MGAT4C: variants seen among roughly 807,000 people sequenced by gnomAD.
MGAT4C encodes alpha-1,3-mannosyl-glycoprotein 4-beta-N-acetylglucosaminyltransferase C.
In MGAT4C, 19 loss-of-function variants were observed where a neutral mutation model predicts 40.1. The ratio of observed to expected loss-of-function variants is 0.47; its 90% CI spans 0.33 to 0.70. MGAT4C has a LOEUF of 0.70. Among genes scored for constraint, MGAT4C ranks in the 30% least tolerant of loss-of-function variants. MGAT4C has a pLI of 0.02. For synonymous variants in MGAT4C, 181 were observed against 187.1 expected, an observed-to-expected ratio of 0.97 and a Z score of 0.27; for missense variants, 491 against 563.2, an observed-to-expected ratio of 0.87 and a Z score of 1.30.
intron 1 of MGAT4C, among the ~76,000 whole-genome samples, chr12:86,773,351 A>T (rs1384448681): frequency 1.3e-5 from 2 of 152,068 alleles, no homozygotes; most frequent in Admixed American, 1.3e-4. Context: ...CCAGGGAAAA[A>T]GCCTCCCCTT....
intron 2 of MGAT4C, among the ~76,000 whole-genome samples, chr12:86,708,078 G>T (rs1950494165): frequency 6.6e-6 from 1 of 152,150 alleles, no homozygotes; most frequent in Non-Finnish European, 1.5e-5. Context: ...CATCTCAGAG[G>T]TCTTCACAGA....
rs144718534 is a variant in MGAT4C at position 86,158,418 on chromosome 12, A to T, written c.-57+97821T>A. 5.2e-3 allele frequency among the ~76,000 whole-genome samples: 798 copies of T among 152,318 alleles called. 7 individuals carry two copies. Among genetic ancestry groups the T allele is most frequent in the African/African-American group, 0.018 (760 of 41,590 alleles). Reference sequence around the variant, plus strand: ...CAAGGTTGGAATTTGGCTGCTCTAAACTAGGCATAAAATATTGAAATATAA... The same window carrying T: ...CAAGGTTGGAATTTGGCTGCTCTAATCTAGGCATAAAATATTGAAATATAA... On this transcript the variant is annotated intron_variant, in intron 1 of 4. Transcript: ENST00000611864.
intron 2 of MGAT4C, among the ~76,000 whole-genome samples, chr12:86,038,639 G>A (rs1392299706): frequency 1.3e-5 from 2 of 149,402 alleles, no homozygotes; most frequent in Non-Finnish European, 3.0e-5. Context: ...CTTTGCATGT[G>A]AGATAGGTCT....
At chr12:86,425,026 G>A (rs1050053796) in intron 3 of MGAT4C, among the ~76,000 whole-genome samples, 6 of 152,144 alleles carry the variant, frequency 3.9e-5, no homozygotes, top group African/African-American at 1.4e-4. Flanking sequence ...GAACTGCTGT[G>A]ATAACAGCCG....
At chr12:86,647,390 G>A (rs921224428) in intron 2 of MGAT4C, among the ~76,000 whole-genome samples, 1 of 151,748 alleles carries the variant, frequency 6.6e-6, no homozygotes. Context: ...AAAATATTTT[G>A]CTTCACCTAA....
At chr12:86,128,954 T>C (rs1476039253) in intron 1 of MGAT4C, among the ~76,000 whole-genome samples, 1 of 152,126 alleles carries the variant, frequency 6.6e-6, no homozygotes, top group Admixed American at 6.5e-5. Context: ...GGCTTTTTGT[T>C]TGCTTTGTCG....
At position 85,956,511 on chromosome 12, in the gene MGAT4C, T is replaced by G. The variant is rs1490992061; in HGVS notation, c.*22778A>C. ...AATTGAAAAACTTACTAAAATATGG[T>G]TTTGGGACACCTGTTGGGAACATTT... On this transcript the variant is annotated 3_prime_UTR_variant, in exon 5 of 5. Coordinates refer to ENST00000611864, the MANE Select transcript of MGAT4C (RefSeq NM_001351288.2). The G allele has an allele frequency of 6.6e-6, 1 of 152,208 alleles. No homozygotes were observed. The highest frequency in any genetic ancestry group is 6.5e-5 in the Admixed American group (1 of 15,288). The allele number at this position is 152,208 out of a possible 1,614,324, so 9.4% of individuals were successfully genotyped here.
At chr12:86,757,530 A>G (rs1213906989) in intron 1 of MGAT4C, among the ~76,000 whole-genome samples, 1 of 152,098 alleles carries the variant, frequency 6.6e-6, no homozygotes, top group Admixed American at 6.6e-5. Context: ...CACTTCATCC[A>G]TTTCTCCCTG....
intron 3 of MGAT4C, among the ~76,000 whole-genome samples, chr12:86,411,852 G>C (rs1956612834): frequency 6.6e-6 from 1 of 152,058 alleles, no homozygotes; most frequent in Non-Finnish European, 1.5e-5. Flanking sequence ...GGTTTTTCAG[G>C]CCAGACTCAG....
At chr12:86,162,252 C>T (rs1012866491) in intron 1 of MGAT4C, among the ~76,000 whole-genome samples, 1 of 152,136 alleles carries the variant, frequency 6.6e-6, no homozygotes, top group African/African-American at 2.4e-5. Flanking sequence ...CCCAGGTACC[C>T]ATCAATAATA....
intron 1 of MGAT4C, among the ~76,000 whole-genome samples, chr12:86,782,171 A>ATTTTTTTTTT (rs57791582): frequency 9.9e-5 from 4 of 40,276 alleles, no homozygotes; most frequent in Non-Finnish European, 1.8e-4. Context: ...TGTTTTTTGT[A>ATTTTTTTTTT]TTTTTTTTTT....
rs1252110145 is a variant in MGAT4C at position 86,097,350 on chromosome 12, C to G, written c.-56-47627G>C. Reference sequence around the variant, plus strand: ...TTGGCTTGAATTGATCACTTGTTTGCCAGAAAGGCACCACATTGACTTTAG... The same window carrying G: ...TTGGCTTGAATTGATCACTTGTTTGGCAGAAAGGCACCACATTGACTTTAG... On this transcript the variant is annotated intron_variant, in intron 1 of 4. Coordinates refer to ENST00000611864, the MANE Select transcript of MGAT4C (RefSeq NM_001351288.2). Among the ~76,000 whole-genome samples, 4 of 151,574 alleles carry G rather than the reference C, an allele frequency of 2.6e-5. No individual in the cohort carries two copies. In the East Asian group the frequency reaches 7.7e-4, roughly 29 times the overall value.
In MGAT4C at chr12:86,367,280, C is replaced by T. The variant is rs145202087; in HGVS notation, c.-119-33153G>A. Among the ~76,000 whole-genome samples, 63 of 152,158 alleles carry T rather than the reference C, an allele frequency of 4.1e-4. 1 individual carries two copies. Among genetic ancestry groups the T allele is most frequent in the African/African-American group, 1.4e-3 (57 of 41,528 alleles). ...TCTTGGGTAACTGCCAAACTTCACC[C>T]TCATAAAATGGGCCCCAGAAAACAG... On this transcript the variant is annotated intron_variant, in intron 3 of 7. Transcript: ENST00000548651.
At chr12:86,807,993 T>A (rs946381284) in intron 1 of MGAT4C, among the ~76,000 whole-genome samples, 1 of 152,116 alleles carries the variant, frequency 6.6e-6, no homozygotes, top group African/African-American at 2.4e-5. Flanking sequence ...ATAAATTTGT[T>A]TAACTTCCTT....
chr12:86,276,643 A>G (rs1334066890), intron 4 of MGAT4C, among the ~76,000 whole-genome samples: 1 of 152,082 alleles, frequency 6.6e-6, no homozygotes, highest in Non-Finnish European at 1.5e-5. Context: ...TAGTTCAATC[A>G]TTTTAATTTT....
At chr12:86,063,422 A>G (rs1055645539) in intron 1 of MGAT4C, among the ~76,000 whole-genome samples, 1 of 152,146 alleles carries the variant, frequency 6.6e-6, no homozygotes, top group African/African-American at 2.4e-5. Flanking sequence ...GCAAAAACAT[A>G]CCAAATTGTA....
intron 1 of MGAT4C, among the ~76,000 whole-genome samples, chr12:86,804,293 C>G (rs929994359): frequency 1.4e-5 from 2 of 138,856 alleles, no homozygotes; most frequent in Admixed American, 7.2e-5. Context: ...GGAGGGATAG[C>G]ATTGGGAGAT....
intron 1 of MGAT4C, among the ~76,000 whole-genome samples, chr12:86,803,187 G>T (rs1011540793): frequency 6.6e-6 from 1 of 150,380 alleles, no homozygotes; most frequent in African/African-American, 2.4e-5. Context: ...TTTAATAAAT[G>T]GTGCTGAGAA....
intron 2 of MGAT4C, among the ~76,000 whole-genome samples, chr12:86,459,122 A>G (rs1957553742): frequency 1.3e-5 from 2 of 152,168 alleles, no homozygotes; most frequent in Admixed American, 1.3e-4. Context: ...TAATACATAT[A>G]CAAAATATAA....
Sources: gnomAD v4.1 joint callset for allele counts (sites outside exome capture counted in the v4.1 genomes callset) on GRCh38, gnomAD v4.1.1 for gene constraint, MANE v1.5 for transcripts, NCBI Gene and HGNC (gene_info 2026-07-23, HGNC 2026-07-21) for gene names.